Variants in DPP10 observed in about 807,000 individuals in gnomAD.
DPP10 encodes dipeptidyl peptidase like 10.
In DPP10, 33 loss-of-function variants were observed where a neutral mutation model predicts 120.9. The observed-to-expected ratio is 0.27, with a 90% CI of 0.21 to 0.37. The LOEUF (loss-of-function observed/expected upper bound fraction) is 0.37, where lower values mean the gene tolerates loss of function less well. DPP10 is among the 10% of genes least tolerant of loss of function. The pLI is 1.00. For missense variants in DPP10, 816 were observed against 942.8 expected (o/e 0.87, Z 1.76); for synonymous variants, 337 against 326.1 (o/e 1.03, Z -0.36).
intron 5 of DPP10, among the ~76,000 whole-genome samples, chr2:115,536,010 T>G (rs1575120143): frequency 6.6e-6 from 1 of 152,064 alleles, no homozygotes; most frequent in Non-Finnish European, 1.5e-5. Context: ...AAGGAGATTT[T>G]GGGCTGAGAC....
At chr2:114,888,710 G>A (rs371061834) in intron 1 of DPP10, among the ~76,000 whole-genome samples, 4 of 152,110 alleles carry the variant, frequency 2.6e-5, no homozygotes, top group East Asian at 1.9e-4. Flanking sequence ...CTGTAATGAC[G>A]TACTGAGAGA....
rs140647734 is a variant in DPP10 at position 114,666,233 on chromosome 2, A to G, written c.60+223395A>G. ...ACTGTTTTAATGAGTAGATGAATGA[A>G]TATGTGGATATAAAATGTGTGTTCT... On this transcript the variant is annotated intron_variant, in intron 1 of 25. Transcript: ENST00000410059. Among the ~76,000 whole-genome samples the G allele has an allele frequency of 5.3e-5, 8 of 152,346 alleles. 1 individual carries two copies. The highest frequency in any genetic ancestry group is 1.9e-4 in the African/African-American group (8 of 41,584).
At chr2:115,130,496 CCA>C (rs2050291872) in intron 1 of DPP10, among the ~76,000 whole-genome samples, 1 of 125,156 alleles carries the variant, frequency 8.0e-6, no homozygotes, top group Non-Finnish European at 1.7e-5. Context: ...ATCCATCCAT[CCA>C]TCTATCCATC....
intron 1 of DPP10, among the ~76,000 whole-genome samples, chr2:114,734,830 T>C (rs966735687): frequency 3.9e-5 from 6 of 152,190 alleles, no homozygotes; most frequent in African/African-American, 1.4e-4. Flanking sequence ...AGAACTGCCA[T>C]AGAAAACTAC....
chr2:114,755,205 A>G (rs1393848873), intron 1 of DPP10, among the ~76,000 whole-genome samples: 1 of 152,238 alleles, frequency 6.6e-6, no homozygotes, highest in African/African-American at 2.4e-5. Flanking sequence ...GTTTCCATTC[A>G]TTAACTTATT....
At chr2:115,639,313 A>G (rs1487693423) in intron 5 of DPP10, among the ~76,000 whole-genome samples, 1 of 152,200 alleles carries the variant, frequency 6.6e-6, no homozygotes, top group Non-Finnish European at 1.5e-5. Flanking sequence ...GTATTGGGAA[A>G]TGTAATACTC....
intron 1 of DPP10, among the ~76,000 whole-genome samples, chr2:114,852,631 G>A (rs879305038): frequency 3.4e-4 from 52 of 151,968 alleles, no homozygotes; most frequent in Middle Eastern, 3.2e-3. Context: ...CGCGGCGGGG[G>A]CGGGGGTCTG....
chr2:114,498,749 C>T (rs1252028378), intron 1 of DPP10, among the ~76,000 whole-genome samples: 1 of 152,064 alleles, frequency 6.6e-6, no homozygotes, highest in Non-Finnish European at 1.5e-5. Flanking sequence ...CCCTAGTGAC[C>T]CAATCATCAC....
At chr2:114,794,104 T>C (rs191634093) in intron 1 of DPP10, among the ~76,000 whole-genome samples, 2 of 152,184 alleles carry the variant, frequency 1.3e-5, no homozygotes, top group South Asian at 4.1e-4. Context: ...CAAGTTCATA[T>C]TATGTTTTAC....
At chr2:115,255,141 T>G (rs1438588163) in intron 1 of DPP10, among the ~76,000 whole-genome samples, 1 of 152,178 alleles carries the variant, frequency 6.6e-6, no homozygotes, top group African/African-American at 2.4e-5. Context: ...ACCAGGGCAT[T>G]TCTGTAAATC....
At chr2:114,988,769 T>C (rs1223618198) in intron 1 of DPP10, among the ~76,000 whole-genome samples, 1 of 152,238 alleles carries the variant, frequency 6.6e-6, no homozygotes, top group Admixed American at 6.5e-5. Context: ...TTATAGAGTT[T>C]ATACATTGTT....
chr2:114,695,512 A>T (rs535410480), intron 1 of DPP10, among the ~76,000 whole-genome samples: 67 of 152,222 alleles, frequency 4.4e-4, no homozygotes, highest in African/African-American at 1.4e-3. Flanking sequence ...AATTATCAAG[A>T]GAAAAAATAT....
chr2:115,534,032 T>G (rs1004659212), intron 5 of DPP10, among the ~76,000 whole-genome samples: 24 of 152,072 alleles, frequency 1.6e-4, no homozygotes, highest in Admixed American at 1.2e-3. Flanking sequence ...TTACAACATT[T>G]TTTGGTGAAA....
intron 3 of DPP10, among the ~76,000 whole-genome samples, chr2:115,384,512 AAGGAAGAAG>A (rs1237045635): frequency 2.0e-5 from 3 of 147,902 alleles, no homozygotes; most frequent in African/African-American, 7.7e-5. Context: ...GAAGAAGAAG[AAGGAAGAAG>A]AGGAAGAAGA....
At chr2:115,009,902 G>T (rs1455505096) in intron 1 of DPP10, among the ~76,000 whole-genome samples, 1 of 152,138 alleles carries the variant, frequency 6.6e-6, no homozygotes, top group Non-Finnish European at 1.5e-5. Context: ...AAATAAAATA[G>T]ATATTTAAAA....
At chr2:115,712,849 G>A (rs2421277) in intron 7 of DPP10, among the ~76,000 whole-genome samples, 128,817 of 151,642 alleles carry the variant, frequency 0.85, 55,025 homozygotes, top group East Asian at 0.99. Context: ...TTGCATGTAA[G>A]TATTCCCTGT....
At chr2:115,261,672 A>T (rs1385490322) in intron 1 of DPP10, among the ~76,000 whole-genome samples, 2 of 152,194 alleles carry the variant, frequency 1.3e-5, no homozygotes, top group East Asian at 3.8e-4. Context: ...TTTGAAAGGT[A>T]TGTTGTTCTC....
At chr2:115,161,783 G>T (rs1045765254) in intron 1 of DPP10, 1 of 586,662 alleles carries the variant, frequency 1.7e-6, no homozygotes, top group Non-Finnish European at 2.6e-6. Flanking sequence ...CCTACGACGG[G>T]GAGCCCGCCC....
At chr2:114,872,007 T>G (rs1690726340) in intron 1 of DPP10, among the ~76,000 whole-genome samples, 1 of 152,200 alleles carries the variant, frequency 6.6e-6, no homozygotes, top group East Asian at 1.9e-4. Flanking sequence ...GAGGCAGTGA[T>G]GCTTGCCCAG....
Sources: gnomAD v4.1 joint callset for allele counts (sites outside exome capture counted in the v4.1 genomes callset) on GRCh38, gnomAD v4.1.1 for gene constraint, MANE v1.5 for transcripts, NCBI Gene and HGNC (gene_info 2026-07-23, HGNC 2026-07-21) for gene names.